Variants in LRRIQ1 observed in about 807,000 individuals in gnomAD.
LRRIQ1 encodes leucine rich repeats and IQ motif containing 1.
LRRIQ1 carries 210 observed loss-of-function variants against 211.9 expected under a neutral mutation model. The observed-to-expected ratio is 0.99, with a 90% confidence interval of 0.89 to 1.11. The LOEUF (loss-of-function observed/expected upper bound fraction) is 1.11. LRRIQ1 is among the 50% of genes most tolerant of loss of function. The pLI, the probability that LRRIQ1 is intolerant of heterozygous loss-of-function variation, is 0.00. For missense variants in LRRIQ1, 2,136 were observed against 1,939.5 expected (o/e 1.10, Z -1.90); for synonymous variants, 699 against 650.1 (o/e 1.08, Z -1.14).
At chr12:85,057,928 G>T (rs1284535602) in intron 8 of LRRIQ1, among the ~76,000 whole-genome samples, 1 of 151,986 alleles carries the variant, frequency 6.6e-6, no homozygotes, top group Non-Finnish European at 1.5e-5. Flanking sequence ...TTAGTTTCTT[G>T]ATAGACTTTC....
chr12:85,212,309 C>G (rs1303918379), intron 24 of LRRIQ1, among the ~76,000 whole-genome samples: 2 of 151,368 alleles, frequency 1.3e-5, no homozygotes, highest in African/African-American at 2.4e-5. Context: ...CAAAAAACAC[C>G]ACAAGAAAAG....
chr12:85,230,734 T>C (rs1417036775), intron 25 of LRRIQ1, among the ~76,000 whole-genome samples: 2 of 152,048 alleles, frequency 1.3e-5, no homozygotes, highest in Non-Finnish European at 2.9e-5. Context: ...GGAGTAAAAG[T>C]GTTATTATAG....
chr12:85,089,224 T>G (rs1345800616), intron 11 of LRRIQ1, among the ~76,000 whole-genome samples: 2 of 152,198 alleles, frequency 1.3e-5, no homozygotes, highest in African/African-American at 4.8e-5. Flanking sequence ...TTTGGTTCTG[T>G]TTATATGATG....
At chr12:85,094,361 T>G (rs1885676657) in intron 11 of LRRIQ1, among the ~76,000 whole-genome samples, 2 of 152,232 alleles carry the variant, frequency 1.3e-5, no homozygotes, top group South Asian at 4.1e-4. Context: ...ATAATAAAAA[T>G]AAATTTCACA....
At chr12:85,222,919 G>A (rs1286445586) in intron 24 of LRRIQ1, among the ~76,000 whole-genome samples, 4 of 152,124 alleles carry the variant, frequency 2.6e-5, no homozygotes, top group Admixed American at 1.3e-4. Context: ...TAAAATGGTT[G>A]CAATGGCGAA....
At chr12:85,154,366 G>A (rs1031086759) in intron 23 of LRRIQ1, among the ~76,000 whole-genome samples, 9 of 151,090 alleles carry the variant, frequency 6.0e-5, no homozygotes, top group Non-Finnish European at 1.5e-5. Flanking sequence ...AGAATTATAA[G>A]TTGTTTTAAA....
intron 13 of LRRIQ1, among the ~76,000 whole-genome samples, chr12:85,103,118 CAAAGT>C (rs1397199585): frequency 1.3e-5 from 2 of 149,948 alleles, no homozygotes; most frequent in African/African-American, 2.4e-5. Context: ...AAATGCAAAT[CAAAGT>C]AGAGTTAATT....
chr12:85,195,587 T>C lies in LRRIQ1; in HGVS notation c.4823-33930T>C, dbSNP rs559840306. ...CAAAGACAAAAACCACATGATTATC[T>C]CAATAGATGCAGAAAAAGCCTTTGA... On this transcript the variant is annotated intron_variant, in intron 24 of 26. Transcript: ENST00000393217. Among the ~76,000 whole-genome samples the C allele has an allele frequency of 3.3e-5, 5 of 152,060 alleles. No individual in the cohort carries two copies. The South Asian group carries it at 6.2e-4, about 19-fold the overall frequency.
In LRRIQ1 at chr12:85,056,432, G is replaced by C. The variant is rs1210025092; in HGVS notation, c.1639G>C (p.Glu547Gln). The C allele has an allele frequency of 6.3e-7, 1 of 1,595,312 alleles. No individual in the cohort carries two copies. The highest frequency in any genetic ancestry group is 1.8e-5 in the Admixed American group (1 of 55,388). The change falls in exon 8 of 27, where the codon GAG becomes CAG. Residue 547 changes from glutamate to glutamine, a missense_variant. Physicochemically the swap from Glu to Gln is conservative, Grantham distance 29. Coordinates refer to ENST00000393217, the MANE Select transcript of LRRIQ1 (RefSeq NM_001079910.2). ...EEKIMKHVIN[E>Q]NTGQKTQIIL... The stretch of plus-strand genomic sequence containing the variant: ...AAAAATCATGAAACATGTCATAAAT[G>C]AGAATACAGGACAAAAAACCCAGAT...
rs749769069 is a variant in LRRIQ1 at position 85,121,799 on chromosome 12, A to G, written c.3480A>G (p.Ser1160=). 2 of 1,608,232 alleles carry G rather than the reference A, an allele frequency of 1.2e-6. No individual in the cohort carries two copies. The highest frequency in any genetic ancestry group is 1.7e-5 in the Admixed American group (1 of 58,966). ...SRTEEHNQLG[S]AGFLALCQSQ... Reference sequence around the variant, plus strand: ...CTGAAGAACACAATCAACTGGGATCAGCAGGTTTCCTGGCACTTTGTCAGT... The same window carrying G: ...CTGAAGAACACAATCAACTGGGATCGGCAGGTTTCCTGGCACTTTGTCAGT... Residue 1160 remains serine (S), a synonymous_variant, in exon 16 of 27, where the codon TCA becomes TCG. Coordinates refer to ENST00000393217, the MANE Select transcript of LRRIQ1 (RefSeq NM_001079910.2).
intron 24 of LRRIQ1, among the ~76,000 whole-genome samples, chr12:85,166,759 C>T (rs556611668): frequency 6.6e-6 from 1 of 152,272 alleles, no homozygotes; most frequent in Non-Finnish European, 1.5e-5. Context: ...AGAAGAGATG[C>T]TCATAATTTT....
chr12:85,134,999 TAAC>T (rs1412609750), intron 18 of LRRIQ1, among the ~76,000 whole-genome samples: 1 of 152,038 alleles, frequency 6.6e-6, no homozygotes, highest in African/African-American at 2.4e-5. Context: ...ACCTTAAAAA[TAAC>T]AATTATTTTT....
At chr12:85,175,610 G>A (rs1309547284) in intron 24 of LRRIQ1, among the ~76,000 whole-genome samples, 1 of 152,080 alleles carries the variant, frequency 6.6e-6, no homozygotes, top group African/African-American at 2.4e-5. Flanking sequence ...TAATGCCTAG[G>A]TTTTCTTCTA....
chr12:85,231,754 C>T (rs1377927378), intron 25 of LRRIQ1, among the ~76,000 whole-genome samples: 1 of 152,140 alleles, frequency 6.6e-6, no homozygotes, highest in Non-Finnish European at 1.5e-5. Flanking sequence ...CTAACAAGAA[C>T]AAGAACGAAC....
intron 17 of LRRIQ1, among the ~76,000 whole-genome samples, chr12:85,126,832 G>GA (rs11413925): frequency 0.22 from 33,280 of 151,516 alleles, 4,327 homozygotes; most frequent in Admixed American, 0.31. Flanking sequence ...ATTACTATGA[G>GA]AAAAAAAATG....
intron 26 of LRRIQ1, among the ~76,000 whole-genome samples, chr12:85,239,848 C>G (rs1283365476): frequency 6.6e-6 from 1 of 151,802 alleles, no homozygotes; most frequent in Non-Finnish European, 1.5e-5. Context: ...CATGGTGGCA[C>G]GTGCCTGTAA....
At chr12:85,108,977 T>TA (rs547968103) in intron 15 of LRRIQ1, among the ~76,000 whole-genome samples, 17 of 148,970 alleles carry the variant, frequency 1.1e-4, no homozygotes, top group East Asian at 3.9e-4. Flanking sequence ...AAACACAAAC[T>TA]AAAAAAAAAA....
At chr12:85,092,525 G>T (rs1885499502) in intron 11 of LRRIQ1, among the ~76,000 whole-genome samples, 1 of 152,140 alleles carries the variant, frequency 6.6e-6, no homozygotes. Context: ...AGAAGACTCT[G>T]TAAGACTGCC....
chr12:85,192,498 T>C (rs1892586447), intron 24 of LRRIQ1, among the ~76,000 whole-genome samples: 1 of 124,830 alleles, frequency 8.0e-6, no homozygotes, highest in Non-Finnish European at 1.6e-5. Flanking sequence ...TATAATATAA[T>C]TATATATAAA....
Sources: allele counts gnomAD v4.1 joint callset (sites outside exome capture counted in the v4.1 genomes callset), GRCh38; gene constraint gnomAD v4.1.1; transcripts MANE v1.5; gene names NCBI Gene and HGNC (gene_info 2026-07-23, HGNC 2026-07-21).